The following FLRT1 variants were observed in gnomAD, a reference collection of about 807,000 sequenced individuals.
FLRT1 encodes fibronectin leucine rich transmembrane protein 1.
A neutral mutation model predicts 30.9 loss-of-function variants in FLRT1; 14 were observed. That is an observed-to-expected ratio of 0.45 (90% confidence interval 0.30 to 0.71). The LOEUF (loss-of-function observed/expected upper bound fraction) is 0.71. Ranked by LOEUF, FLRT1 falls within the 30% of genes least tolerant of loss-of-function variation. The pLI is 0.08. For synonymous variants in FLRT1, 368 were observed against 430.4 expected (o/e 0.85, Z 1.80); for missense variants, 737 against 949.2 (o/e 0.78, Z 2.94).
chr11:64,096,423 T>G lies in FLRT1; in HGVS notation c.-1037-6771T>G, dbSNP rs1052101934. Among the ~76,000 whole-genome samples, 42 of 151,810 alleles carry G rather than the reference T, an allele frequency of 2.8e-4. No homozygotes were observed. The highest frequency in any genetic ancestry group is 1.0e-3 in the African/African-American group (42 of 41,354). ...AGTGGTCGTTCCTGTCCCCTCTTTTTTTTTTTTGAGACTGAGTCTCGCTGT... is the reference window on the plus strand; with the variant it reads ...AGTGGTCGTTCCTGTCCCCTCTTTTGTTTTTTTGAGACTGAGTCTCGCTGT... On this transcript the variant is annotated intron_variant, in intron 1 of 2. Coordinates refer to ENST00000682287, the MANE Select transcript of FLRT1 (RefSeq NM_013280.5). This position sits in a 1 kb window ranked among gnomAD's most constrained non-coding sequence, Gnocchi z 4.6.
chr11:64,101,079 C>A (rs564562841), intron 1 of FLRT1, among the ~76,000 whole-genome samples: 2 of 152,070 alleles, frequency 1.3e-5, no homozygotes, highest in Non-Finnish European at 2.9e-5. Flanking sequence ...TCTTTTCATG[C>A]TCCGTTGTTG....
chr11:64,048,192 GCTTGTGAGAGCCGGGGGC>G (rs1197715923), intron 1 of FLRT1, among the ~76,000 whole-genome samples: 1 of 152,240 alleles, frequency 6.6e-6, no homozygotes, highest in Non-Finnish European at 1.5e-5. Context: ...GACAGACAGG[GCTTGTGAGAGCCGGGGGC>G]CTTCGAGGAG....
chr11:64,116,109 C>T (rs2134615143), intron 2 of FLRT1, 110 bp from the exon 3 acceptor site: 4 of 1,180,170 alleles, frequency 3.4e-6, no homozygotes, highest in Non-Finnish European at 4.6e-6. Context: ...CAGGACCGGA[C>T]TTCGGTCACC....
At chr11:64,101,019 G>A (rs1757637720) in intron 1 of FLRT1, among the ~76,000 whole-genome samples, 1 of 152,184 alleles carries the variant, frequency 6.6e-6, no homozygotes, top group Admixed American at 6.5e-5. Flanking sequence ...CACTGAGCCA[G>A]GTGCTGGGGG....
rs1023047231 is a variant in FLRT1 at position 64,089,710 on chromosome 11, T to G, written c.-1037-13484T>G. Among the ~76,000 whole-genome samples the G allele has an allele frequency of 7.9e-5, 12 of 152,218 alleles. No homozygotes were observed. In the East Asian group the frequency reaches 1.4e-3, roughly 17 times the overall value. On this transcript the variant is annotated intron_variant, in intron 1 of 2. Coordinates refer to ENST00000682287, the MANE Select transcript of FLRT1 (RefSeq NM_013280.5). ...CAGGGCCTGGACAAAGTGGGGCTCT[T>G]GAGGGAGGGTGAGAGGCCCTGAGAC...
intron 1 of FLRT1, among the ~76,000 whole-genome samples, chr11:64,050,193 C>T (rs1193008978): frequency 6.6e-6 from 1 of 152,122 alleles, no homozygotes; most frequent in Non-Finnish European, 1.5e-5. Context: ...ATCCCTCCCT[C>T]CCTAGACCCC....
intron 1 of FLRT1, among the ~76,000 whole-genome samples, chr11:64,100,368 A>G (rs1217107401): frequency 6.6e-6 from 1 of 152,206 alleles, no homozygotes; most frequent in Non-Finnish European, 1.5e-5. Flanking sequence ...TTGTGTAAGC[A>G]TCTCAAAGTA....
chr11:64,047,374 C>T (rs1289439053), intron 1 of FLRT1, among the ~76,000 whole-genome samples: 8 of 152,120 alleles, frequency 5.3e-5, no homozygotes, highest in Admixed American at 2.0e-4. Context: ...AGTCACTGGG[C>T]CAAGGTCACC....
At chr11:64,042,861 C>T (rs1041287791) in intron 1 of FLRT1, among the ~76,000 whole-genome samples, 5 of 152,204 alleles carry the variant, frequency 3.3e-5, no homozygotes, top group African/African-American at 1.2e-4. Context: ...TAGTGCCACA[C>T]CCCAGTTTCC....
chr11:64,084,326 T>C (rs1944355536), intron 1 of FLRT1, among the ~76,000 whole-genome samples: 1 of 152,116 alleles, frequency 6.6e-6, no homozygotes, highest in South Asian at 2.1e-4. Context: ...GGGGGATGCC[T>C]GTCCCCCAGC....
intron 2 of FLRT1, among the ~76,000 whole-genome samples, chr11:64,113,555 T>G (rs866983633): frequency 5.5e-5 from 8 of 146,538 alleles, no homozygotes; most frequent in African/African-American, 1.5e-4. Context: ...GATGGATGGA[T>G]GGATGGACAG....
intron 2 of FLRT1, among the ~76,000 whole-genome samples, chr11:64,104,453 T>C (rs1308096884): frequency 6.6e-6 from 1 of 151,648 alleles, no homozygotes; most frequent in African/African-American, 2.4e-5. Context: ...GGACCCAGGA[T>C]GTAATGGAGT....
intron 1 of FLRT1, among the ~76,000 whole-genome samples, chr11:64,074,222 G>A (rs1944160474): frequency 6.6e-6 from 1 of 152,238 alleles, no homozygotes; most frequent in Non-Finnish European, 1.5e-5. Flanking sequence ...CTTCCCCCAA[G>A]GCCCCAGAAT....
intron 1 of FLRT1, among the ~76,000 whole-genome samples, chr11:64,084,447 G>A (rs949057529): frequency 9.2e-5 from 14 of 151,972 alleles, no homozygotes; most frequent in South Asian, 2.1e-4. Flanking sequence ...GTGGGCAGGC[G>A]CTGTGGAGGC....
In FLRT1 at chr11:64,096,650, C is replaced by A. The variant is rs901262796; in HGVS notation, c.-1037-6544C>A. On this transcript the variant is annotated intron_variant, in intron 1 of 2. Coordinates refer to ENST00000682287, the MANE Select transcript of FLRT1 (RefSeq NM_013280.5). This position sits in a 1 kb window ranked among gnomAD's most constrained non-coding sequence, Gnocchi z 4.6. Reference sequence around the variant, plus strand: ...CAGGCTGGTCTCGAACTCCTGACCTCAAGTTATCCGCCTGCCTCAGCCTCC... The same window carrying A: ...CAGGCTGGTCTCGAACTCCTGACCTAAAGTTATCCGCCTGCCTCAGCCTCC... 1.3e-5 allele frequency among the ~76,000 whole-genome samples: 2 copies of A among 152,146 alleles called. No individual in the cohort carries two copies. Among genetic ancestry groups the A allele is most frequent in the Admixed American group, 6.5e-5 (1 of 15,278 alleles).
intron 2 of FLRT1, among the ~76,000 whole-genome samples, chr11:64,107,170 C>G (rs553105052): frequency 6.6e-6 from 1 of 152,340 alleles, no homozygotes; most frequent in African/African-American, 2.4e-5. Context: ...AATGAGCCAA[C>G]TTGCCCAGCC....
chr11:64,101,957 C>T (rs1174778242), intron 1 of FLRT1, among the ~76,000 whole-genome samples: 1 of 152,218 alleles, frequency 6.6e-6, no homozygotes, highest in Non-Finnish European at 1.5e-5. Context: ...CAAATGCCTT[C>T]CCTGCCAGGC....
At chr11:64,088,882 A>G (rs964518854) in intron 1 of FLRT1, among the ~76,000 whole-genome samples, 1 of 152,048 alleles carries the variant, frequency 6.6e-6, no homozygotes, top group Admixed American at 6.6e-5. Context: ...AATCGGGTGT[A>G]TTGAAGGTGC....
At chr11:64,080,415 T>G (rs1184419192) in intron 1 of FLRT1, among the ~76,000 whole-genome samples, 2 of 152,136 alleles carry the variant, frequency 1.3e-5, no homozygotes, top group Non-Finnish European at 2.9e-5. Context: ...ATTCAGCGGG[T>G]TTTTTTGTGT....
Sources: gnomAD v4.1 joint callset for allele counts (sites outside exome capture counted in the v4.1 genomes callset) on GRCh38, gnomAD v4.1.1 for gene constraint, Gnocchi (gnomAD v3.1) non-coding constraint, MANE v1.5 for transcripts, NCBI Gene and HGNC (gene_info 2026-07-23, HGNC 2026-07-21) for gene names.